The following GRM1 variants were observed in gnomAD, a reference collection of about 807,000 sequenced individuals.
The protein encoded by GRM1 is metabotropic glutamate receptor 1.
Under a neutral mutation model 90.9 loss-of-function variants are expected in GRM1, and 33 were observed. The observed-to-expected ratio is 0.36, with a 90% confidence interval of 0.28 to 0.49. GRM1 has a LOEUF of 0.49. Ranked by LOEUF, GRM1 falls within the 20% of genes least tolerant of loss-of-function variation. The probability of loss-of-function intolerance (pLI) is 0.99; values close to 1 mark genes in which losing one functional copy is unlikely to be tolerated. For missense variants in GRM1, 1,190 were observed against 1,534.3 expected, an observed-to-expected ratio of 0.78 and a Z score of 3.75; for synonymous variants, 700 against 613.2, an observed-to-expected ratio of 1.14 and a Z score of -2.09.
At chr6:146,234,540 T>C (rs1780566774) in intron 2 of GRM1, among the ~76,000 whole-genome samples, 1 of 152,088 alleles carries the variant, frequency 6.6e-6, no homozygotes, top group South Asian at 2.1e-4. Flanking sequence ...AAAATATGCC[T>C]TCCAATAATT....
chr6:146,416,643 G>A (rs1305561150), intron 7 of GRM1, among the ~76,000 whole-genome samples: 2 of 151,908 alleles, frequency 1.3e-5, no homozygotes, highest in South Asian at 2.1e-4. Flanking sequence ...TCTCCTTTAC[G>A]TTATAATCCA....
chr6:146,353,285 T>G (rs1361092189), intron 4 of GRM1, among the ~76,000 whole-genome samples: 1 of 152,052 alleles, frequency 6.6e-6, no homozygotes, highest in Non-Finnish European at 1.5e-5. Context: ...ATTAACACCT[T>G]CAGGAAGAAG....
intron 1 of GRM1, among the ~76,000 whole-genome samples, chr6:146,133,456 G>A (rs1049122043): frequency 6.6e-6 from 1 of 152,092 alleles, no homozygotes; most frequent in Non-Finnish European, 1.5e-5. Context: ...ATAGATTAGG[G>A]GAGATGACAG....
chr6:146,347,016 A>G (rs1462762423), intron 3 of GRM1, among the ~76,000 whole-genome samples: 1 of 152,190 alleles, frequency 6.6e-6, no homozygotes, highest in Non-Finnish European at 1.5e-5. Context: ...AAGAATTTAG[A>G]TTTGAAAAGG....
At chr6:146,287,833 G>C (rs1035199641) in intron 2 of GRM1, among the ~76,000 whole-genome samples, 1 of 152,122 alleles carries the variant, frequency 6.6e-6, no homozygotes, top group Non-Finnish European at 1.5e-5. Context: ...ATGATGAGGG[G>C]GAGATTGCCT....
chr6:146,417,616 T>C (rs58146639), intron 7 of GRM1, among the ~76,000 whole-genome samples: 1,958 of 152,292 alleles, frequency 0.013, 47 homozygotes, highest in African/African-American at 0.045. Flanking sequence ...AATACTAGTG[T>C]AAAATAAACG....
At chr6:146,228,768 G>A (rs926337773) in intron 2 of GRM1, among the ~76,000 whole-genome samples, 2 of 152,002 alleles carry the variant, frequency 1.3e-5, no homozygotes, top group Non-Finnish European at 2.9e-5. Flanking sequence ...AGTCTACCTC[G>A]CATATGAACT....
intron 2 of GRM1, among the ~76,000 whole-genome samples, chr6:146,203,090 A>T (rs965064275): frequency 2.0e-5 from 3 of 151,920 alleles, no homozygotes; most frequent in Non-Finnish European, 4.4e-5. Context: ...GCTACTGGGG[A>T]GGCTGAGGCA....
rs73785362 is a variant in GRM1 at position 146,420,035 on chromosome 6, C to A, written c.2661-13837C>A. Among the ~76,000 whole-genome samples, 3 of 152,184 alleles carry A rather than the reference C, an allele frequency of 2.0e-5. 1 individual carries two copies. The highest frequency in any genetic ancestry group is 1.3e-4 in the Admixed American group (2 of 15,282). ...GAAATGAAAGGCCAGAGAGGCTTCA[C>A]CACAGGTCCAGCTTCTCCCTCAACA... On this transcript the variant is annotated intron_variant, in intron 7 of 7. Coordinates refer to ENST00000282753, the MANE Select transcript of GRM1 (RefSeq NM_001278064.2).
intron 2 of GRM1, among the ~76,000 whole-genome samples, chr6:146,299,269 GTAA>G (rs1432033035): frequency 6.6e-6 from 1 of 151,932 alleles, no homozygotes; most frequent in African/African-American, 2.4e-5. Context: ...TATTATAATT[GTAA>G]CTTTAATATC....
intron 1 of GRM1, among the ~76,000 whole-genome samples, chr6:146,091,950 C>T (rs1000312735): frequency 1.3e-5 from 2 of 152,074 alleles, no homozygotes; most frequent in Non-Finnish European, 1.5e-5. Context: ...AGATTCCATG[C>T]TGTCATCTTT....
intron 7 of GRM1, among the ~76,000 whole-genome samples, chr6:146,424,855 A>G (rs1205804285): frequency 6.6e-6 from 1 of 152,220 alleles, no homozygotes; most frequent in African/African-American, 2.4e-5. Flanking sequence ...ATATCATTTT[A>G]CATATTACTT....
chr6:146,301,584 G>T (rs1405721000), intron 2 of GRM1, among the ~76,000 whole-genome samples: 1 of 152,080 alleles, frequency 6.6e-6, no homozygotes, highest in Non-Finnish European at 1.5e-5. Flanking sequence ...AAACCTTAGG[G>T]AGAAACACAC....
At chr6:146,312,744 T>G (rs1399834729) in intron 3 of GRM1, among the ~76,000 whole-genome samples, 1 of 152,218 alleles carries the variant, frequency 6.6e-6, no homozygotes, top group Non-Finnish European at 1.5e-5. Flanking sequence ...AATTCACAAG[T>G]TAGTGATTTG....
intron 1 of GRM1, among the ~76,000 whole-genome samples, chr6:146,046,247 A>G (rs1046299659): frequency 1.3e-5 from 2 of 152,002 alleles, no homozygotes; most frequent in African/African-American, 4.8e-5. Flanking sequence ...TCTCATTTTT[A>G]TTATTAATAA....
intron 3 of GRM1, among the ~76,000 whole-genome samples, chr6:146,337,175 G>A (rs914865425): frequency 6.6e-6 from 1 of 152,328 alleles, no homozygotes; most frequent in Admixed American, 6.5e-5. Context: ...CCTTGGGCAA[G>A]TGTCTGCCTC....
At chr6:146,097,376 A>G (rs1776907230) in intron 1 of GRM1, among the ~76,000 whole-genome samples, 3 of 152,160 alleles carry the variant, frequency 2.0e-5, no homozygotes, top group African/African-American at 4.8e-5. Context: ...GAGTAGAAAA[A>G]TATGTATGAA....
intron 1 of GRM1, among the ~76,000 whole-genome samples, chr6:146,035,906 T>A (rs1317305862): frequency 6.6e-6 from 1 of 151,986 alleles, no homozygotes; most frequent in Non-Finnish European, 1.5e-5. Flanking sequence ...AATGACACTT[T>A]CATTATTTTG....
At chr6:146,332,541 T>C (rs1784620258) in intron 3 of GRM1, among the ~76,000 whole-genome samples, 1 of 152,210 alleles carries the variant, frequency 6.6e-6, no homozygotes, top group Non-Finnish European at 1.5e-5. Context: ...ATTTGTGCCC[T>C]GTTTCTCTAA....
Sources: gnomAD v4.1 joint callset for allele counts (sites outside exome capture counted in the v4.1 genomes callset) on GRCh38, gnomAD v4.1.1 for gene constraint, MANE v1.5 for transcripts, NCBI Gene and HGNC (gene_info 2026-07-23, HGNC 2026-07-21) for gene names.